The following CREB5 variants were observed in gnomAD, a reference collection of about 807,000 sequenced individuals.
CREB5 encodes cyclic AMP-responsive element-binding protein 5.
In CREB5, 19 loss-of-function variants were observed where a neutral mutation model predicts 57.1. That is an observed-to-expected ratio of 0.33 (90% confidence interval 0.23 to 0.49). The LOEUF (loss-of-function observed/expected upper bound fraction) is 0.49, where lower values mean the gene tolerates loss of function less well. CREB5 is among the 20% of genes least tolerant of loss of function. The probability of loss-of-function intolerance (pLI) is 0.99; values close to 1 mark genes in which losing one functional copy is unlikely to be tolerated. For missense variants in CREB5, 579 were observed against 671.6 expected (o/e 0.86, Z 1.52); for synonymous variants, 238 against 238.3 (o/e 1.00, Z 0.01).
At chr7:28,722,474 G>C (rs1381604138) in intron 6 of CREB5, among the ~76,000 whole-genome samples, 1 of 152,084 alleles carries the variant, frequency 6.6e-6, no homozygotes, top group Non-Finnish European at 1.5e-5. Context: ...TGAAACTCTT[G>C]AATTCTTCAT....
In CREB5 at chr7:28,804,446, A is replaced by T. The variant is rs1261008857; in HGVS notation, c.950A>T (p.His317Leu). ...HQQNHPHHHSHSHLHAHPAHH... is the reference protein window; with the variant it reads ...HQQNHPHHHSLSHLHAHPAHH... ...CAGAACCATCCACATCACCACTCCC[A>T]TTCCCACCTTCATGCACACCCAGCA... The change falls in exon 8 of 11, where the codon CAT becomes CTT. Residue 317 changes from histidine (H) to leucine (L), a missense_variant. His to Leu is a moderately conservative substitution (Grantham distance 99, BLOSUM62 -3). Coordinates refer to ENST00000357727, the MANE Select transcript of CREB5 (RefSeq NM_182898.4). 6.2e-7 allele frequency: 1 copy of T among 1,613,946 alleles called. No homozygotes were observed. Among genetic ancestry groups the T allele is most frequent in the Non-Finnish European group, 8.5e-7 (1 of 1,179,990 alleles).
intron 7 of CREB5, among the ~76,000 whole-genome samples, chr7:28,757,007 AG>A (rs1805356918): frequency 6.6e-6 from 1 of 152,202 alleles, no homozygotes; most frequent in Non-Finnish European, 1.5e-5. Context: ...TATTGTTTAT[AG>A]GTACCAAGTT....
At chr7:28,543,578 T>TTA (rs1554340502) in intron 4 of CREB5, among the ~76,000 whole-genome samples, 2 of 92,316 alleles carry the variant, frequency 2.2e-5, no homozygotes, top group African/African-American at 7.8e-5. Flanking sequence ...TCATTTTAGG[T>TTA]AAAAAAAAAA....
intron 5 of CREB5, among the ~76,000 whole-genome samples, chr7:28,705,102 C>T (rs185485745): frequency 1.8e-3 from 281 of 152,230 alleles, no homozygotes; most frequent in African/African-American, 6.5e-3. Context: ...TGGTGGCTGA[C>T]GCCTATAATC....
chr7:28,535,765 T>C (rs1044648818), intron 4 of CREB5, among the ~76,000 whole-genome samples: 2 of 152,104 alleles, frequency 1.3e-5, no homozygotes, highest in African/African-American at 2.4e-5. Flanking sequence ...GTGGTGAGCA[T>C]GAATTTTCTA....
chr7:28,475,625 C>T (rs932171958), intron 1 of CREB5, among the ~76,000 whole-genome samples: 1 of 151,832 alleles, frequency 6.6e-6, no homozygotes, highest in Non-Finnish European at 1.5e-5. Context: ...GTGTCACAAT[C>T]TGTGTCAGTC....
chr7:28,318,495 T>C (rs1785420933), intron 1 of CREB5, among the ~76,000 whole-genome samples: 2 of 152,260 alleles, frequency 1.3e-5, no homozygotes, highest in African/African-American at 4.8e-5. Context: ...AAATTGAAAA[T>C]GTATTATTCA....
chr7:28,453,799 GC>G (rs1449775036), intron 1 of CREB5, among the ~76,000 whole-genome samples: 7 of 152,182 alleles, frequency 4.6e-5, no homozygotes, highest in Non-Finnish European at 1.0e-4. Flanking sequence ...GGTGCAAGCT[GC>G]CCCCAAGGGC....
At chr7:28,714,165 A>G (rs1482844699) in intron 5 of CREB5, among the ~76,000 whole-genome samples, 3 of 151,858 alleles carry the variant, frequency 2.0e-5, no homozygotes, top group Non-Finnish European at 4.4e-5. Context: ...GAGTTTTTCC[A>G]TGTTACCTAG....
At chr7:28,303,451 A>T (rs1273206787) in intron 1 of CREB5, among the ~76,000 whole-genome samples, 1 of 152,262 alleles carries the variant, frequency 6.6e-6, no homozygotes, top group Non-Finnish European at 1.5e-5. Context: ...GAAATTAGCC[A>T]GCCTTTATCT....
In CREB5 at chr7:28,622,255, TCTCTCA is replaced by T. The variant is rs778594242; in HGVS notation, c.464+51720_464+51725del. 3.7e-3 allele frequency among the ~76,000 whole-genome samples: 525 copies of T among 140,842 alleles called. 2 individuals carry two copies. The highest frequency in any genetic ancestry group is 5.6e-3 in the Non-Finnish European group (376 of 66,694). 92.4% of individuals were successfully genotyped at this position (140,842 alleles called of 152,430 possible). On this transcript the variant is annotated intron_variant, in intron 5 of 10. Transcript: ENST00000357727. ...CATATACACACATTCTCTCTCTCTC[TCTCTCA>T]CACACACACACACACACACACACAC...
At chr7:28,388,931 C>G (rs928528960) in intron 1 of CREB5, among the ~76,000 whole-genome samples, 7 of 152,342 alleles carry the variant, frequency 4.6e-5, no homozygotes, top group African/African-American at 1.7e-4. Context: ...GACTGCATCT[C>G]TGACTTTCAA....
chr7:28,801,530 T>C (rs1348084401), intron 7 of CREB5, among the ~76,000 whole-genome samples: 2 of 152,140 alleles, frequency 1.3e-5, no homozygotes, highest in East Asian at 1.9e-4. Context: ...TGTGCCATAG[T>C]CAAATAAAAG....
intron 5 of CREB5, among the ~76,000 whole-genome samples, chr7:28,574,988 T>C (rs58855781): frequency 0.019 from 2,958 of 152,256 alleles, 108 homozygotes; most frequent in African/African-American, 0.067. Context: ...TAAAATATCA[T>C]AGAAGAAAAT....
chr7:28,495,533 C>A lies in CREB5; in HGVS notation c.169+534C>A, dbSNP rs527676193. Reference sequence around the variant, plus strand: ...CTCCAGCCTGGGTGACAGCAAAACTCCGTCTCAAAAAAAAAAAAAATTACA... The same window carrying A: ...CTCCAGCCTGGGTGACAGCAAAACTACGTCTCAAAAAAAAAAAAAATTACA... On this transcript the variant is annotated intron_variant, in intron 3 of 10. Transcript: ENST00000357727. Among the ~76,000 whole-genome samples, 16 of 97,832 alleles carry A rather than the reference C, an allele frequency of 1.6e-4. No individual in the cohort carries two copies. In the South Asian group the frequency reaches 6.8e-3, roughly 42 times the overall value. The allele number at this position is 97,832 out of a possible 152,430, so 64.2% of individuals were successfully genotyped here.
intron 1 of CREB5, among the ~76,000 whole-genome samples, chr7:28,350,726 G>C (rs1383615579): frequency 6.6e-6 from 1 of 152,102 alleles, no homozygotes; most frequent in Admixed American, 6.6e-5. Context: ...AGAGCCCTGA[G>C]CTTCAAGGGT....
intron 1 of CREB5, among the ~76,000 whole-genome samples, chr7:28,402,921 G>T (rs1787502900): frequency 6.6e-6 from 1 of 152,164 alleles, no homozygotes; most frequent in African/African-American, 2.4e-5. Context: ...TTACAGTCTA[G>T]TTGTCTCTTG....
intron 1 of CREB5, among the ~76,000 whole-genome samples, chr7:28,405,472 C>T (rs753441268): frequency 2.2e-4 from 34 of 152,234 alleles, no homozygotes; most frequent in Non-Finnish European, 4.6e-4. Context: ...AGTGCTGTGG[C>T]GCAGTCACTG....
intron 1 of CREB5, among the ~76,000 whole-genome samples, chr7:28,301,939 T>C (rs1301759645): frequency 1.3e-5 from 2 of 152,200 alleles, no homozygotes; most frequent in Non-Finnish European, 2.9e-5. Context: ...ATAGGAAAAG[T>C]GACTGAGTGA....
Sources: allele counts gnomAD v4.1 joint callset (sites outside exome capture counted in the v4.1 genomes callset), GRCh38; gene constraint gnomAD v4.1.1; transcripts MANE v1.5; gene names NCBI Gene and HGNC (gene_info 2026-07-23, HGNC 2026-07-21).